IMMP2L: variants seen among roughly 807,000 people sequenced by gnomAD.
The protein encoded by IMMP2L is inner mitochondrial membrane peptidase subunit 2.
Under a neutral mutation model 19.3 loss-of-function variants are expected in IMMP2L, and 18 were observed. The ratio of observed to expected loss-of-function variants is 0.93; its 90% CI spans 0.64 to 1.38. IMMP2L has a LOEUF of 1.38. Ranked by LOEUF, IMMP2L falls within the 40% of genes most tolerant of loss-of-function variation. The pLI, the probability that IMMP2L is intolerant of heterozygous loss-of-function variation, is 0.00. For missense variants in IMMP2L, 233 were observed against 218.2 expected (o/e 1.07, Z -0.43); for synonymous variants, 76 against 73.0 (o/e 1.04, Z -0.21).
At chr7:111,371,952 A>G (rs1411217589) in intron 3 of IMMP2L, among the ~76,000 whole-genome samples, 1 of 152,004 alleles carries the variant, frequency 6.6e-6, no homozygotes, top group Non-Finnish European at 1.5e-5. Context: ...TATTCTTCAA[A>G]CTGTGAAACT....
At chr7:110,734,823 A>G (rs1271435254) in intron 5 of IMMP2L, among the ~76,000 whole-genome samples, 2 of 152,182 alleles carry the variant, frequency 1.3e-5, no homozygotes, top group African/African-American at 4.8e-5. Flanking sequence ...ACATGCCCTC[A>G]GCTGCATAGG....
intron 3 of IMMP2L, among the ~76,000 whole-genome samples, chr7:111,066,560 G>A (rs1490627020): frequency 1.3e-5 from 2 of 152,146 alleles, no homozygotes; most frequent in African/African-American, 2.4e-5. Flanking sequence ...CTTTACATTG[G>A]TTATCTCTTA....
At chr7:111,332,396 A>G (rs540674545) in intron 3 of IMMP2L, among the ~76,000 whole-genome samples, 2 of 152,178 alleles carry the variant, frequency 1.3e-5, no homozygotes, top group African/African-American at 4.8e-5. Flanking sequence ...AGAAAATCAT[A>G]TAAAATCAAA....
chr7:111,175,110 G>A (rs1470704281), intron 3 of IMMP2L, among the ~76,000 whole-genome samples: 1 of 151,842 alleles, frequency 6.6e-6, no homozygotes, highest in Non-Finnish European at 1.5e-5. Flanking sequence ...AGTCCTCGTT[G>A]CATTATGTAT....
intron 3 of IMMP2L, among the ~76,000 whole-genome samples, chr7:111,013,284 A>T (rs1312104352): frequency 6.6e-6 from 1 of 152,170 alleles, no homozygotes; most frequent in African/African-American, 2.4e-5. Context: ...ACATGAGCAA[A>T]TCATATTTTA....
At chr7:111,185,122 T>C (rs1029448800) in intron 3 of IMMP2L, among the ~76,000 whole-genome samples, 15 of 152,200 alleles carry the variant, frequency 9.9e-5, no homozygotes, top group Admixed American at 7.9e-4. Context: ...GGAGAAGCTT[T>C]GATAAATCTC....
At chr7:111,473,149 C>T (rs1841416740) in intron 3 of IMMP2L, among the ~76,000 whole-genome samples, 1 of 152,018 alleles carries the variant, frequency 6.6e-6, no homozygotes, top group South Asian at 2.1e-4. Context: ...GCTGTTATTT[C>T]AATGTTATCA....
chr7:111,287,063 A>C (rs1453198504), intron 3 of IMMP2L, among the ~76,000 whole-genome samples: 2 of 152,182 alleles, frequency 1.3e-5, no homozygotes, highest in East Asian at 3.9e-4. Flanking sequence ...AAAATATCAG[A>C]GGATCTCTGC....
chr7:111,011,379 C>T (rs1015862091), intron 3 of IMMP2L, among the ~76,000 whole-genome samples: 1 of 152,052 alleles, frequency 6.6e-6, no homozygotes, highest in African/African-American at 2.4e-5. Context: ...CCAAACTGGA[C>T]AGGTAGCTGT....
chr7:111,335,718 A>G (rs1209494109), intron 3 of IMMP2L, among the ~76,000 whole-genome samples: 1 of 152,184 alleles, frequency 6.6e-6, no homozygotes, highest in Non-Finnish European at 1.5e-5. Context: ...CTACATAAAC[A>G]ACATGGAAAG....
intron 3 of IMMP2L, among the ~76,000 whole-genome samples, chr7:111,132,810 T>C (rs1801973892): frequency 6.6e-6 from 1 of 152,000 alleles, no homozygotes; most frequent in Admixed American, 6.6e-5. Context: ...AGGAAGGTGA[T>C]CATCTATATG....
At chr7:110,872,857 G>A (rs1235706491) in intron 5 of IMMP2L, among the ~76,000 whole-genome samples, 1 of 152,200 alleles carries the variant, frequency 6.6e-6, no homozygotes, top group East Asian at 1.9e-4. Context: ...AACTGCTCAT[G>A]CTCATGGCCA....
At chr7:111,316,254 A>G (rs1407350830) in intron 3 of IMMP2L, among the ~76,000 whole-genome samples, 2 of 152,174 alleles carry the variant, frequency 1.3e-5, no homozygotes, top group Non-Finnish European at 2.9e-5. Flanking sequence ...AAAGAAAGGC[A>G]TAAGAAGCAT....
At chr7:110,960,785 C>T (rs528256840) in intron 4 of IMMP2L, among the ~76,000 whole-genome samples, 1 of 151,924 alleles carries the variant, frequency 6.6e-6, no homozygotes, top group Admixed American at 6.6e-5. Context: ...TATATATCCT[C>T]CCCTAAATGC....
intron 3 of IMMP2L, among the ~76,000 whole-genome samples, chr7:111,424,377 A>T (rs1243291835): frequency 1.3e-5 from 2 of 151,680 alleles, no homozygotes; most frequent in Non-Finnish European, 2.9e-5. Flanking sequence ...ATCCGTTAAT[A>T]CTCAGTGTTT....
At chr7:110,721,605 C>G (rs17157922) in intron 5 of IMMP2L, among the ~76,000 whole-genome samples, 2,594 of 152,174 alleles carry the variant, frequency 0.017, 42 homozygotes, top group South Asian at 0.049. Flanking sequence ...TATGCTGACT[C>G]TGATTTGATT....
intron 3 of IMMP2L, among the ~76,000 whole-genome samples, chr7:111,360,810 C>A (rs1299913065): frequency 1.3e-5 from 2 of 151,928 alleles, no homozygotes; most frequent in South Asian, 4.2e-4. Flanking sequence ...AGAGCGATAC[C>A]TTGTTTCAAA....
intron 3 of IMMP2L, among the ~76,000 whole-genome samples, chr7:111,056,071 T>C (rs1793483823): frequency 6.6e-6 from 1 of 152,264 alleles, no homozygotes; most frequent in Admixed American, 6.5e-5. Context: ...TCTAATTCTA[T>C]ATTTACAGAT....
chr7:111,151,230 A>G (rs1450416105), intron 3 of IMMP2L, among the ~76,000 whole-genome samples: 2 of 152,256 alleles, frequency 1.3e-5, no homozygotes, highest in Non-Finnish European at 2.9e-5. Context: ...CCTCAGTTCT[A>G]CTGATAGCCA....
Sources: gnomAD v4.1 joint callset for allele counts (sites outside exome capture counted in the v4.1 genomes callset) on GRCh38, gnomAD v4.1.1 for gene constraint, MANE v1.5 for transcripts, NCBI Gene and HGNC (gene_info 2026-07-23, HGNC 2026-07-21) for gene names.